TBXAS1: variants seen among roughly 807,000 people sequenced by gnomAD.
TBXAS1 encodes the protein thromboxane-A synthase.
TBXAS1 carries 48 observed loss-of-function variants against 60.7 expected under a neutral mutation model. The observed-to-expected ratio is 0.79, with a 90% CI of 0.63 to 1.01. The LOEUF (loss-of-function observed/expected upper bound fraction) is 1.01. TBXAS1 is among the 50% of genes least tolerant of loss of function. The pLI is 0.00. For missense variants in TBXAS1, 685 were observed against 686.3 expected, an observed-to-expected ratio of 1.00 and a Z score of 0.02; for synonymous variants, 287 against 269.7, an observed-to-expected ratio of 1.06 and a Z score of -0.63.
In TBXAS1 at chr7:139,889,828, G is replaced by C. The variant is rs1157985764; in HGVS notation, c.236+14191G>C. On this transcript the variant is annotated intron_variant, in intron 3 of 12. Transcript: ENST00000448866. ...CACCTTCTAATACTGTCATCTGGGG[G>C]TTTAAGATTTCAACATATGAATCTG... Among the ~76,000 whole-genome samples the C allele has an allele frequency of 3.3e-5, 5 of 152,188 alleles. No individual in the cohort carries two copies. In the South Asian group the frequency reaches 1.0e-3, roughly 32 times the overall value.
At chr7:139,986,793 GTGTGTGTATATATATATATA>G (rs766086327) in intron 9 of TBXAS1, among the ~76,000 whole-genome samples, 524 of 39,894 alleles carry the variant, frequency 0.013, 3 homozygotes, top group East Asian at 0.057. Flanking sequence ...GTGTGTGTGT[GTGTGTGTATATATATATATA>G]TATACACCAT....
In TBXAS1 at chr7:139,929,117, C is replaced by T. The variant is rs138771005; in HGVS notation, c.334-7074C>T. Among the ~76,000 whole-genome samples the T allele has an allele frequency of 2.0e-5, 3 of 152,346 alleles. No individual in the cohort carries two copies. The East Asian group carries it at 5.8e-4, about 29-fold the overall frequency. On this transcript the variant is annotated intron_variant, in intron 4 of 12. Coordinates refer to ENST00000448866, the MANE Select transcript of TBXAS1 (RefSeq NM_001061.7). ...TCATCTCAACACTATGTGCCAAGGA[C>T]TGTCCTGAAAGCTGTGTCATAAATA...
At chr7:139,962,851 T>A (rs1251983154) in intron 9 of TBXAS1, 1 of 155,168 alleles carries the variant, frequency 6.4e-6, no homozygotes, top group African/African-American at 2.4e-5. Flanking sequence ...TTCTTCTAGA[T>A]GCTTGTGTGT....
At chr7:139,895,471 G>A (rs1467719093) in intron 3 of TBXAS1, among the ~76,000 whole-genome samples, 21 of 152,208 alleles carry the variant, frequency 1.4e-4, no homozygotes, top group Admixed American at 1.4e-3. Context: ...TCCCCCAGTA[G>A]GACAAAATGC....
chr7:139,805,699 TTTCTTTC>T lies in TBXAS1; in HGVS notation c.-80+18276_-80+18282del, dbSNP rs1160826708. 1.3e-3 allele frequency among the ~76,000 whole-genome samples: 50 copies of T among 37,194 alleles called. No homozygotes were observed. The Admixed American group carries it at 0.014, about 11-fold the overall frequency. The allele number at this position is 37,194 out of a possible 152,430, so 24.4% of individuals were successfully genotyped here. A position where few individuals can be genotyped will look rare whatever the true frequency, so the allele number is the denominator to read the frequency against. The stretch of plus-strand genomic sequence containing the variant: ...CTTTCTTTCTTTCTTTCTTTCTTTC[TTTCTTTC>T]TTTCTTTCTCTCTCTCTCTCTCTCT... On this transcript the variant is annotated intron_variant, in intron 4 of 16. Transcript: ENST00000336425.
chr7:140,016,137 G>A (rs907447283), intron 11 of TBXAS1, among the ~76,000 whole-genome samples: 15 of 151,994 alleles, frequency 9.9e-5, no homozygotes, highest in South Asian at 4.1e-4. Flanking sequence ...GACCATCCTG[G>A]CTAACACGGT....
chr7:139,799,604 C>G (rs146569248), intron 4 of TBXAS1, among the ~76,000 whole-genome samples: 2,440 of 152,236 alleles, frequency 0.016, 25 homozygotes, highest in Non-Finnish European at 0.028. Flanking sequence ...GATACACCCC[C>G]CTTTGGCTTC....
At chr7:139,813,733 T>G (rs1005836829) in intron 4 of TBXAS1, among the ~76,000 whole-genome samples, 2 of 152,232 alleles carry the variant, frequency 1.3e-5, no homozygotes, top group Non-Finnish European at 2.9e-5. Context: ...TTTGTAACTA[T>G]GTTAAGCATT....
chr7:140,017,517 G>GCCC (rs2099438875), intron 11 of TBXAS1, among the ~76,000 whole-genome samples, 154 bp from the exon 12 acceptor site: 2 of 152,316 alleles, frequency 1.3e-5, no homozygotes, highest in Non-Finnish European at 2.9e-5. Context: ...GCCAGGAGCA[G>GCCC]AGAGGGACTG....
intron 4 of TBXAS1, among the ~76,000 whole-genome samples, chr7:139,822,235 C>A (rs1336357242): frequency 6.6e-6 from 1 of 152,064 alleles, no homozygotes; most frequent in African/African-American, 2.4e-5. Context: ...GCTAATGGTC[C>A]TGTTGTCTGC....
At chr7:139,822,147 A>T (rs1337569520) in intron 4 of TBXAS1, among the ~76,000 whole-genome samples, 1 of 152,208 alleles carries the variant, frequency 6.6e-6, no homozygotes, top group Admixed American at 6.5e-5. Context: ...AAGCTAGAGT[A>T]TGGAAGGGGT....
rs763193036 is a variant in TBXAS1 at position 139,951,213 on chromosome 7, G to A, written c.451-2155G>A. Among the ~76,000 whole-genome samples, 10 of 152,098 alleles carry A rather than the reference G, an allele frequency of 6.6e-5. No homozygotes were observed. The South Asian group carries it at 1.0e-3, about 16-fold the overall frequency. On this transcript the variant is annotated intron_variant, in intron 5 of 12. Transcript: ENST00000448866. ...GTTATCATCCATGGAAAAAGACCTC[G>A]TGGTTTTCATTAACCTGAACCTCAA...
intron 4 of TBXAS1, chr7:139,913,264 C>T (rs1028090027): frequency 1.2e-5 from 8 of 643,754 alleles, no homozygotes; most frequent in Admixed American, 2.2e-5. Context: ...CCCTGGAAGC[C>T]GTCTGTCAAG....
At chr7:139,816,271 C>T (rs1382663565) in intron 4 of TBXAS1, among the ~76,000 whole-genome samples, 5 of 152,154 alleles carry the variant, frequency 3.3e-5, no homozygotes, top group Non-Finnish European at 2.9e-5. Flanking sequence ...AGTAGTATCT[C>T]TAGAGCCGTG....
At chr7:139,936,569 C>T (rs578183564) in intron 5 of TBXAS1, among the ~76,000 whole-genome samples, 1 of 152,232 alleles carries the variant, frequency 6.6e-6, no homozygotes, top group Non-Finnish European at 1.5e-5. Flanking sequence ...CGCCTGTGTC[C>T]AGAGACAGAG....
At position 140,004,745 on chromosome 7, in the gene TBXAS1, T is replaced by G. The variant is rs1585042354; in HGVS notation, c.1135-2346T>G. Among the ~76,000 whole-genome samples the G allele has an allele frequency of 6.6e-6, 1 of 152,006 alleles. No homozygotes were observed. Among genetic ancestry groups the G allele is most frequent in the African/African-American group, 2.4e-5 (1 of 41,370 alleles). ...CAGCTGTCTCCCCTTTCCACAGCCT[T>G]CCCCAGCCAGCCACAGCAGACTAAC... On this transcript the variant is annotated intron_variant, in intron 9 of 12. Coordinates refer to ENST00000448866, the MANE Select transcript of TBXAS1 (RefSeq NM_001061.7). This position sits in a 1 kb window ranked among gnomAD's most constrained non-coding sequence, Gnocchi z 5.1.
chr7:139,907,789 A>G (rs967229704), intron 3 of TBXAS1, among the ~76,000 whole-genome samples: 5 of 152,110 alleles, frequency 3.3e-5, no homozygotes, highest in African/African-American at 1.2e-4. Flanking sequence ...CAAATAAAAA[A>G]TATGAATAAT....
intron 4 of TBXAS1, among the ~76,000 whole-genome samples, chr7:139,809,002 G>A (rs1037276029): frequency 2.0e-5 from 3 of 146,994 alleles, no homozygotes; most frequent in Non-Finnish European, 4.5e-5. Context: ...AAAAAAGCTT[G>A]TTGATTGGGT....
At chr7:139,837,959 G>C (rs1307241002) in intron 1 of TBXAS1, among the ~76,000 whole-genome samples, 1 of 152,210 alleles carries the variant, frequency 6.6e-6, no homozygotes, top group South Asian at 2.1e-4. Context: ...GCCAATGGCA[G>C]GGATGCTCTG....
Sources: gnomAD v4.1 joint callset for allele counts (sites outside exome capture counted in the v4.1 genomes callset) on GRCh38, gnomAD v4.1.1 for gene constraint, Gnocchi (gnomAD v3.1) non-coding constraint, MANE v1.5 for transcripts, NCBI Gene and HGNC (gene_info 2026-07-23, HGNC 2026-07-21) for gene names.